SGCZ: variants seen among roughly 807,000 people sequenced by gnomAD.
SGCZ encodes the protein sarcoglycan zeta.
Under a neutral mutation model 41.3 loss-of-function variants are expected in SGCZ, and 40 were observed. The observed-to-expected ratio is 0.97, with a 90% CI of 0.75 to 1.26. SGCZ has a LOEUF of 1.26. Ranked by LOEUF, SGCZ falls within the 50% of genes most tolerant of loss-of-function variation. The pLI, the probability that SGCZ is intolerant of heterozygous loss-of-function variation, is 0.00. For synonymous variants in SGCZ, 206 were observed against 137.5 expected (o/e 1.50, Z -3.49); for missense variants, 552 against 369.8 (o/e 1.49, Z -4.04).
chr8:14,269,787 G>T (rs1301621436), intron 3 of SGCZ, among the ~76,000 whole-genome samples: 3 of 152,110 alleles, frequency 2.0e-5, no homozygotes, highest in African/African-American at 7.2e-5. Context: ...CTGCTGTGGG[G>T]TCAGCCCAGG....
At chr8:14,402,570 C>G (rs890363140) in intron 2 of SGCZ, among the ~76,000 whole-genome samples, 1 of 144,004 alleles carries the variant, frequency 6.9e-6, no homozygotes, top group Admixed American at 6.7e-5. Context: ...GCTTGCTTTT[C>G]TCAGGTTTGT....
intron 1 of SGCZ, among the ~76,000 whole-genome samples, chr8:15,162,062 T>C (rs73529365): frequency 0.043 from 6,503 of 152,268 alleles, 338 homozygotes; most frequent in African/African-American, 0.13. Context: ...AGAGATTTAC[T>C]GTAAACAGAA....
intron 5 of SGCZ, among the ~76,000 whole-genome samples, chr8:14,140,467 C>G (rs1488740926): frequency 1.3e-5 from 2 of 152,154 alleles, no homozygotes; most frequent in Non-Finnish European, 1.5e-5. Context: ...GCAACTTCAG[C>G]AAAGTCTCAG....
At chr8:14,628,553 A>C (rs912814309) in intron 1 of SGCZ, among the ~76,000 whole-genome samples, 8 of 152,100 alleles carry the variant, frequency 5.3e-5, no homozygotes, top group Non-Finnish European at 1.2e-4. Context: ...GAAACTAAGG[A>C]AGCAATAGGT....
chr8:14,689,531 A>C (rs1450468085), intron 1 of SGCZ, among the ~76,000 whole-genome samples: 1 of 152,180 alleles, frequency 6.6e-6, no homozygotes, highest in Non-Finnish European at 1.5e-5. Context: ...TATATTTGGG[A>C]ATTTTTAGCA....
At chr8:14,951,642 CT>C (rs1312846553) in intron 1 of SGCZ, among the ~76,000 whole-genome samples, 3 of 151,988 alleles carry the variant, frequency 2.0e-5, no homozygotes, top group African/African-American at 7.2e-5. Flanking sequence ...TATACTATGA[CT>C]AAATGATCAT....
chr8:14,364,846 C>G (rs1803642125), intron 2 of SGCZ, among the ~76,000 whole-genome samples: 1 of 152,048 alleles, frequency 6.6e-6, no homozygotes, highest in Non-Finnish European at 1.5e-5. Flanking sequence ...TGAAGAATAA[C>G]TTAAAATTCA....
intron 1 of SGCZ, among the ~76,000 whole-genome samples, chr8:14,921,984 G>C (rs900233229): frequency 2.0e-5 from 3 of 152,038 alleles, no homozygotes; most frequent in Admixed American, 1.3e-4. Flanking sequence ...ATTTCTGGTG[G>C]TTTAAGAATA....
At chr8:14,285,880 C>G (rs530960355) in intron 3 of SGCZ, among the ~76,000 whole-genome samples, 52 of 152,178 alleles carry the variant, frequency 3.4e-4, no homozygotes, top group Middle Eastern at 3.4e-3. Flanking sequence ...CCTACCATTG[C>G]TGACAATTTT....
intron 1 of SGCZ, among the ~76,000 whole-genome samples, chr8:15,016,113 A>T (rs1337282539): frequency 6.6e-6 from 1 of 152,160 alleles, no homozygotes; most frequent in African/African-American, 2.4e-5. Flanking sequence ...CTTGCTCCCA[A>T]CATTAATCCA....
chr8:14,573,239 C>T (rs1804610764), intron 1 of SGCZ, among the ~76,000 whole-genome samples: 1 of 145,196 alleles, frequency 6.9e-6, no homozygotes, highest in Non-Finnish European at 1.5e-5. Flanking sequence ...GCTCTGTCGC[C>T]CAGGCTGGAG....
intron 1 of SGCZ, among the ~76,000 whole-genome samples, chr8:14,677,138 T>C (rs1447190677): frequency 1.3e-5 from 2 of 151,882 alleles, no homozygotes; most frequent in Non-Finnish European, 2.9e-5. Flanking sequence ...AACATTAATA[T>C]ACAAAAGTCA....
At chr8:15,179,151 T>C (rs1800086181) in intron 1 of SGCZ, among the ~76,000 whole-genome samples, 1 of 152,128 alleles carries the variant, frequency 6.6e-6, no homozygotes, top group African/African-American at 2.4e-5. Context: ...TCTAGAGATA[T>C]CAATTAAATA....
intron 1 of SGCZ, among the ~76,000 whole-genome samples, chr8:14,888,730 A>G (rs1490112257): frequency 6.6e-6 from 1 of 152,184 alleles, no homozygotes; most frequent in Non-Finnish European, 1.5e-5. Flanking sequence ...TCCATTTTAT[A>G]AGGCATAATG....
chr8:14,399,719 C>A (rs1021601583), intron 2 of SGCZ, among the ~76,000 whole-genome samples: 6 of 151,802 alleles, frequency 4.0e-5, no homozygotes, highest in Non-Finnish European at 7.4e-5. Flanking sequence ...ATGCTTTGAG[C>A]CTAATCAATA....
At chr8:15,060,453 G>A (rs1179105792) in intron 1 of SGCZ, among the ~76,000 whole-genome samples, 1 of 148,114 alleles carries the variant, frequency 6.8e-6, no homozygotes, top group East Asian at 2.0e-4. Flanking sequence ...CTCACTCATA[G>A]GTGGGAATTG....
intron 2 of SGCZ, among the ~76,000 whole-genome samples, chr8:14,431,671 A>G (rs904827807): frequency 2.6e-5 from 4 of 152,214 alleles, no homozygotes; most frequent in Admixed American, 1.3e-4. Context: ...TGCAATAAAC[A>G]TAAAGATAAA....
intron 1 of SGCZ, among the ~76,000 whole-genome samples, chr8:14,792,023 G>C (rs554164633): frequency 6.6e-6 from 1 of 152,264 alleles, no homozygotes; most frequent in East Asian, 1.9e-4. Flanking sequence ...AGGCCGTCTA[G>C]CATGTTCTCA....
In SGCZ at chr8:14,308,197, T is replaced by C. The variant is rs144637305; in HGVS notation, c.336+15906A>G. Among the ~76,000 whole-genome samples the C allele has an allele frequency of 8.6e-3, 1,310 of 152,198 alleles. 23 individuals are homozygous for C. Among genetic ancestry groups the C allele is most frequent in the African/African-American group, 0.029 (1,212 of 41,550 alleles). ...TATAGAACATTACAAGAGGAGATTATACCTAAATCTTTCAATTATTTTATT... is the reference window on the plus strand; with the variant it reads ...TATAGAACATTACAAGAGGAGATTACACCTAAATCTTTCAATTATTTTATT... On this transcript the variant is annotated intron_variant, in intron 3 of 7. Transcript: ENST00000382080.
Sources: gnomAD v4.1 joint callset for allele counts (sites outside exome capture counted in the v4.1 genomes callset) on GRCh38, gnomAD v4.1.1 for gene constraint, MANE v1.5 for transcripts, NCBI Gene and HGNC (gene_info 2026-07-23, HGNC 2026-07-21) for gene names.